The following ATP13A3 variants were observed in gnomAD, a reference collection of about 807,000 sequenced individuals.
The protein encoded by ATP13A3 is polyamine-transporting ATPase 13A3.
A neutral mutation model predicts 158.1 loss-of-function variants in ATP13A3; 59 were observed. The ratio of observed to expected loss-of-function variants is 0.37; its 90% CI spans 0.30 to 0.46. The LOEUF (loss-of-function observed/expected upper bound fraction) is 0.46. Among genes scored for constraint, ATP13A3 ranks in the 20% least tolerant of loss-of-function variants. ATP13A3 has a pLI of 1.00. For missense variants in ATP13A3, 1,166 were observed against 1,525.2 expected (o/e 0.76, Z 3.92); for synonymous variants, 491 against 504.3 (o/e 0.97, Z 0.35).
At chr3:194,469,948 TA>T (rs1720226319) in intron 2 of ATP13A3, among the ~76,000 whole-genome samples, 1 of 152,130 alleles carries the variant, frequency 6.6e-6, no homozygotes. Flanking sequence ...CCTATACAAA[TA>T]TATACAAAAA....
At position 194,403,360 on chromosome 3, in the gene ATP13A3, C is replaced by G. The variant is rs1714738236; in HGVS notation, c.*2559G>C. On this transcript the variant is annotated 3_prime_UTR_variant, in exon 34 of 34. Transcript: ENST00000645319. ...ACTTGTATTCAAGCATTATTTGCAG[C>G]ATTGCTTTACAGCAGTTGGTGCTAG... 1 of 152,164 alleles carries G rather than the reference C, an allele frequency of 6.6e-6. No individual in the cohort carries two copies. The highest frequency in any genetic ancestry group is 2.4e-5 in the African/African-American group (1 of 41,446). 9.4% of individuals were successfully genotyped at this position (152,164 alleles called of 1,614,324 possible).
chr3:194,425,216 A>C, intron 30 of ATP13A3, 126 bp downstream of exon 30: 1 of 937,486 alleles, frequency 1.1e-6, no homozygotes, highest in Non-Finnish European at 1.6e-6. Flanking sequence ...TAAACATCTA[A>C]ATCACTAAGT....
chr3:194,452,007 G>A (rs73071133), intron 10 of ATP13A3: 3 of 152,182 alleles, frequency 2.0e-5, no homozygotes, highest in Non-Finnish European at 2.9e-5. Flanking sequence ...GAATGTGGAC[G>A]CCAGAATGAT....
At chr3:194,430,826 A>ATT (rs2108814754) in intron 24 of ATP13A3, 117 bp downstream of exon 24, 7 of 737,034 alleles carry the variant, frequency 9.5e-6, no homozygotes, top group African/African-American at 5.5e-5. Context: ...ATAGATCACA[A>ATT]TTATATATAT....
intron 7 of ATP13A3, 59 bp downstream of exon 7, chr3:194,457,035 T>A: frequency 8.1e-7 from 1 of 1,239,476 alleles, no homozygotes; most frequent in Non-Finnish European, 1.2e-6. Context: ...GGGTTGATTA[T>A]GTATACTACT....
chr3:194,427,653 A>G (rs1245035311), intron 28 of ATP13A3, among the ~76,000 whole-genome samples: 1 of 148,574 alleles, frequency 6.7e-6, no homozygotes, highest in African/African-American at 2.5e-5. Context: ...AAATAAATAA[A>G]TAAATAAATA....
chr3:194,465,430 C>T (rs976016289), intron 2 of ATP13A3, among the ~76,000 whole-genome samples: 3 of 152,092 alleles, frequency 2.0e-5, no homozygotes, highest in African/African-American at 7.2e-5. Flanking sequence ...AAGAAACTAC[C>T]GAAGGCCAGG....
At chr3:194,434,280 T>C (rs1415236118) in intron 20 of ATP13A3, among the ~76,000 whole-genome samples, 2 of 152,244 alleles carry the variant, frequency 1.3e-5, no homozygotes, top group African/African-American at 2.4e-5. Flanking sequence ...CGTGGATTCA[T>C]TATCAAGTCT....
intron 2 of ATP13A3, among the ~76,000 whole-genome samples, chr3:194,464,531 T>C (rs1403883846): frequency 6.6e-6 from 1 of 152,136 alleles, no homozygotes; most frequent in Admixed American, 6.5e-5. Context: ...CTATAGACTA[T>C]GGTGAGAATA....
intron 16 of ATP13A3, among the ~76,000 whole-genome samples, chr3:194,439,651 T>C (rs1717906861): frequency 6.6e-6 from 1 of 152,224 alleles, no homozygotes; most frequent in Non-Finnish European, 1.5e-5. Flanking sequence ...TCTCTAAAAC[T>C]GGGATGCATC....
chr3:194,425,487 G>C lies in ATP13A3; in HGVS notation c.3168C>G (p.His1056Gln). ...CATCAAGTTCGGTTTCATTGTCTACGTGTGAAGAATTCCAAAACCCGCTTC... is the reference window on the plus strand; with the variant it reads ...CATCAAGTTCGGTTTCATTGTCTACCTGTGAAGAATTCCAAAACCCGCTTC... ...TTGSGFWNSS[H>Q]VDNETELDEH... The change falls in exon 30 of 34, where the codon CAC becomes CAG. Residue 1056 changes from histidine to glutamine, a missense_variant. Around this residue, in one of 3 missense-constraint regions of ATP13A3, gnomAD observed 997 missense variants for 1,341.2 expected, o/e 0.74. Coordinates refer to ENST00000645319, the MANE Select transcript of ATP13A3 (RefSeq NM_001367549.1). 2 of 1,612,986 alleles carry C rather than the reference G, an allele frequency of 1.2e-6. No homozygotes were observed. The highest frequency in any genetic ancestry group is 1.7e-6 in the Non-Finnish European group (2 of 1,179,656).
At chr3:194,463,363 A>G (rs1226561304) in intron 2 of ATP13A3, among the ~76,000 whole-genome samples, 1 of 151,834 alleles carries the variant, frequency 6.6e-6, no homozygotes, top group African/African-American at 2.4e-5. Context: ...ATGTAAAACG[A>G]TGCCAGTTTT....
At chr3:194,478,395 T>C (rs145865280) in intron 2 of ATP13A3, among the ~76,000 whole-genome samples, 1 of 152,100 alleles carries the variant, frequency 6.6e-6, no homozygotes, top group African/African-American at 2.4e-5. Flanking sequence ...AACTATCTCT[T>C]GATCTAAGAC....
chr3:194,436,132 T>C (rs1717620883), intron 20 of ATP13A3, among the ~76,000 whole-genome samples: 1 of 152,194 alleles, frequency 6.6e-6, no homozygotes, highest in African/African-American at 2.4e-5. Context: ...TTCATTTTTT[T>C]TTTTTAAACT....
intron 3 of ATP13A3, among the ~76,000 whole-genome samples, chr3:194,461,560 C>A (rs1252933828): frequency 6.6e-6 from 1 of 152,114 alleles, no homozygotes; most frequent in African/African-American, 2.4e-5. Context: ...CAGGTGAGCC[C>A]CCCAACAAGC....
At chr3:194,469,474 A>C (rs1720197814) in intron 2 of ATP13A3, among the ~76,000 whole-genome samples, 1 of 152,164 alleles carries the variant, frequency 6.6e-6, no homozygotes. Flanking sequence ...AAGAAAAAAA[A>C]ACTCACAAAA....
intron 10 of ATP13A3, 29 bp downstream of exon 10, chr3:194,453,677 A>G: frequency 6.4e-7 from 1 of 1,569,608 alleles, no homozygotes; most frequent in South Asian, 1.1e-5. Flanking sequence ...ATCTTTTTTG[A>G]TTTATTCTTC....
rs1240811182 is a variant in ATP13A3, at chr3:194,430,163, C to T, written c.2686G>A (p.Gly896Arg). 3 of 1,613,904 alleles carry T rather than the reference C, an allele frequency of 1.9e-6. No homozygotes were observed. The highest frequency in any genetic ancestry group is 2.5e-6 in the Non-Finnish European group (3 of 1,179,986). Residue 896 changes from glycine (G) to arginine (R), a missense_variant, in exon 26 of 34, where the codon GGA becomes AGA. Coordinates refer to ENST00000645319, the MANE Select transcript of ATP13A3 (RefSeq NM_001367549.1). ...TCGAGCTCCGATAAGGAAATGCCTC[C>T]GTGTGCCCTCTTCAAAGCCTAATAA... is the stretch of plus-strand genomic sequence containing the variant. ...NDCGALKRAH[G>R]GISLSELEAS...
intron 9 of ATP13A3, 130 bp downstream of exon 9, chr3:194,454,128 C>A: frequency 1.1e-6 from 1 of 950,580 alleles, no homozygotes; most frequent in Non-Finnish European, 1.5e-6. Context: ...GGAGAAGGAG[C>A]ATATATTCAT....
Sources: allele counts gnomAD v4.1 joint callset (sites outside exome capture counted in the v4.1 genomes callset), GRCh38; gene constraint gnomAD v4.1.1; regional missense constraint gnomAD v4.1.1; transcripts MANE v1.5; gene names NCBI Gene and HGNC (gene_info 2026-07-23, HGNC 2026-07-21).